Variants in SLC13A3 observed in about 807,000 individuals in gnomAD.
SLC13A3 encodes solute carrier family 13 member 3, also known as Na(+)/dicarboxylate cotransporter 3.
A neutral mutation model predicts 59.0 loss-of-function variants in SLC13A3; 40 were observed. The observed-to-expected ratio is 0.68, with a 90% CI of 0.53 to 0.88. The LOEUF (loss-of-function observed/expected upper bound fraction) is 0.88, where lower values mean the gene tolerates loss of function less well. SLC13A3 is among the 40% of genes least tolerant of loss of function. The pLI, the probability that SLC13A3 is intolerant of heterozygous loss-of-function variation, is 0.00. For synonymous variants in SLC13A3, 317 were observed against 330.3 expected (o/e 0.96, Z 0.44); for missense variants, 699 against 783.2 (o/e 0.89, Z 1.28).
At chr20:46,661,789 G>A (rs895396942) in intron 1 of SLC13A3, among the ~76,000 whole-genome samples, 11 of 152,056 alleles carry the variant, frequency 7.2e-5, no homozygotes, top group African/African-American at 2.7e-4. Context: ...GGAGGGGAGG[G>A]AATCTCTCAA....
chr20:46,634,851 G>A (rs1222876271), intron 1 of SLC13A3, among the ~76,000 whole-genome samples: 1 of 152,168 alleles, frequency 6.6e-6, no homozygotes, highest in Non-Finnish European at 1.5e-5. Context: ...CTGTCCAGCT[G>A]GTTCCTTCAT....
chr20:46,677,727 T>C (rs1322927082), intron 1 of SLC13A3, among the ~76,000 whole-genome samples: 1 of 152,078 alleles, frequency 6.6e-6, no homozygotes, highest in African/African-American at 2.4e-5. Flanking sequence ...GAGTAAGACA[T>C]ATCTCACTCT....
chr20:46,661,756 T>C (rs953993078), intron 1 of SLC13A3, among the ~76,000 whole-genome samples: 3 of 152,146 alleles, frequency 2.0e-5, no homozygotes, highest in Admixed American at 6.5e-5. Context: ...AAGCTTCTGA[T>C]AGTCAAAAGC....
In SLC13A3 at chr20:46,594,734, C is replaced by CT. The variant is rs112750360; in HGVS notation, c.794+1422dup. Among the ~76,000 whole-genome samples the CT allele has an allele frequency of 7.9e-3, 1,138 of 143,158 alleles. 9 individuals are homozygous for CT. Among genetic ancestry groups the CT allele is most frequent in the African/African-American group, 0.026 (1,006 of 39,308 alleles). 93.9% of individuals were successfully genotyped at this position (143,158 alleles called of 152,430 possible). A position where few individuals can be genotyped will look rare whatever the true frequency, so the allele number is the denominator to read the frequency against. ...AATTGGTGAAATACACCCACAACTT[C>CT]TTTTTTTTTTTTTTCACCTCTCCCA... On this transcript the variant is annotated intron_variant, in intron 5 of 12. Coordinates refer to ENST00000279027, the MANE Select transcript of SLC13A3 (RefSeq NM_022829.6).
rs141382511 is a variant in SLC13A3, at chr20:46,604,660, C to T, written c.542-4623G>A. Among the ~76,000 whole-genome samples the T allele has an allele frequency of 1.8e-3, 270 of 152,158 alleles. 4 individuals are homozygous for T. The East Asian group carries it at 0.043, about 24-fold the overall frequency. On this transcript the variant is annotated intron_variant, in intron 3 of 12. Transcript: ENST00000279027. ...GGCTGGCTGTGTCATTTTTCCTGTGCCTGGAGCTGGCCCTGTTGACCCCCT... is the reference window on the plus strand; with the variant it reads ...GGCTGGCTGTGTCATTTTTCCTGTGTCTGGAGCTGGCCCTGTTGACCCCCT...
At position 46,607,824 on chromosome 20, in the gene SLC13A3, G is replaced by A. The variant is rs142114990; in HGVS notation, c.541+2622C>T. Among the ~76,000 whole-genome samples, 874 of 152,318 alleles carry A rather than the reference G, an allele frequency of 5.7e-3. 9 individuals are homozygous for A. The highest frequency in any genetic ancestry group is 0.02 in the African/African-American group (826 of 41,560). ...ACCAGAGCCACAGTTTGGAAACTGCGTAACGGGGGGTGGGAGGACTCTTTT... is the reference window on the plus strand; with the variant it reads ...ACCAGAGCCACAGTTTGGAAACTGCATAACGGGGGGTGGGAGGACTCTTTT... On this transcript the variant is annotated intron_variant, in intron 3 of 12. Coordinates refer to ENST00000279027, the MANE Select transcript of SLC13A3 (RefSeq NM_022829.6).
At chr20:46,662,296 A>G (rs890779434) in intron 1 of SLC13A3, among the ~76,000 whole-genome samples, 20 of 152,216 alleles carry the variant, frequency 1.3e-4, no homozygotes, top group African/African-American at 4.6e-4. Context: ...ACAGTCTCTT[A>G]TCATTTCCTA....
chr20:46,680,549 T>A (rs551029191), intron 1 of SLC13A3, among the ~76,000 whole-genome samples: 1 of 152,324 alleles, frequency 6.6e-6, no homozygotes, highest in African/African-American at 2.4e-5. Flanking sequence ...CAACTCACAG[T>A]AGGCAGAGAG....
chr20:46,611,652 G>A (rs2062495088), intron 2 of SLC13A3, among the ~76,000 whole-genome samples: 1 of 152,092 alleles, frequency 6.6e-6, no homozygotes, highest in African/African-American at 2.4e-5. Flanking sequence ...TATCCAATCT[G>A]TTCATCTCCA....
chr20:46,630,660 C>A (rs989080499), intron 1 of SLC13A3, among the ~76,000 whole-genome samples: 1 of 152,316 alleles, frequency 6.6e-6, no homozygotes, highest in Non-Finnish European at 1.5e-5. Flanking sequence ...GAATAAAAGT[C>A]TTTGTTCTAC....
chr20:46,671,618 A>T (rs1027924859), upstream of SLC13A3, among the ~76,000 whole-genome samples: 5 of 152,164 alleles, frequency 3.3e-5, no homozygotes, highest in Admixed American at 3.3e-4. Context: ...ATTTATTGGG[A>T]ATAACACCTG....
chr20:46,595,672 C>A (rs920208378), intron 5 of SLC13A3, among the ~76,000 whole-genome samples: 2 of 152,194 alleles, frequency 1.3e-5, no homozygotes, highest in Non-Finnish European at 2.9e-5. Context: ...TCGCCCCAGG[C>A]TCTTCGTCTC....
chr20:46,577,205 T>C (rs565273754), intron 9 of SLC13A3, among the ~76,000 whole-genome samples: 35 of 151,876 alleles, frequency 2.3e-4, no homozygotes, highest in Non-Finnish European at 4.1e-4. Flanking sequence ...AGCCCACAGA[T>C]GTATGAAGCC....
intron 1 of SLC13A3, among the ~76,000 whole-genome samples, chr20:46,633,881 G>T (rs983814631): frequency 6.6e-6 from 1 of 152,224 alleles, no homozygotes; most frequent in African/African-American, 2.4e-5. Context: ...GCATTAGCTC[G>T]CCTGTGTGTC....
At position 46,683,886 on chromosome 20, in the gene SLC13A3, G is replaced by A. The variant is rs1435507484; in HGVS notation, c.-31+510C>T. ...TGTTTTTACTGGACCAGCTGGTTTCGGTCGCCTTTTCACTTCCAGGTTTCT... is the reference window on the plus strand; with the variant it reads ...TGTTTTTACTGGACCAGCTGGTTTCAGTCGCCTTTTCACTTCCAGGTTTCT... On this transcript the variant is annotated intron_variant, in intron 1 of 6. Coordinates refer to the SLC13A3 transcript ENST00000372121. Among the ~76,000 whole-genome samples the A allele has an allele frequency of 4.6e-5, 7 of 152,116 alleles. No individual in the cohort carries two copies. The East Asian group carries it at 9.6e-4, about 21-fold the overall frequency.
At chr20:46,594,730 ACTT>A (rs2062292875) in intron 5 of SLC13A3, among the ~76,000 whole-genome samples, 2 of 149,892 alleles carry the variant, frequency 1.3e-5, no homozygotes, top group Non-Finnish European at 2.9e-5. Context: ...TACACCCACA[ACTT>A]CTTTTTTTTT....
chr20:46,603,374 T>G (rs141098907), intron 3 of SLC13A3, among the ~76,000 whole-genome samples: 50 of 152,040 alleles, frequency 3.3e-4, no homozygotes, highest in African/African-American at 1.2e-3. Context: ...TTGGGGGACA[T>G]CAAAAAAATT....
At chr20:46,582,185 G>A (rs1320786586) in intron 9 of SLC13A3, among the ~76,000 whole-genome samples, 2 of 152,112 alleles carry the variant, frequency 1.3e-5, no homozygotes, top group Admixed American at 6.5e-5. Flanking sequence ...TGCAGTGGGT[G>A]CCATCACAGC....
intron 1 of SLC13A3, among the ~76,000 whole-genome samples, chr20:46,680,874 T>A (rs2063150863): frequency 6.6e-6 from 1 of 152,150 alleles, no homozygotes; most frequent in African/African-American, 2.4e-5. Context: ...CCAGTGACAA[T>A]ACTCACAGCA....
Sources: allele counts gnomAD v4.1 joint callset (sites outside exome capture counted in the v4.1 genomes callset), GRCh38; gene constraint gnomAD v4.1.1; transcripts MANE v1.5; gene names NCBI Gene and HGNC (gene_info 2026-07-23, HGNC 2026-07-21).